CERS3: variants seen among roughly 807,000 people sequenced by gnomAD.
CERS3 encodes ceramide synthase 3.
Under a neutral mutation model 50.3 loss-of-function variants are expected in CERS3, and 33 were observed. The ratio of observed to expected loss-of-function variants is 0.66; its 90% CI spans 0.50 to 0.88. CERS3 has a LOEUF of 0.88. Ranked by LOEUF, CERS3 falls within the 40% of genes least tolerant of loss-of-function variation. The pLI, the probability that CERS3 is intolerant of heterozygous loss-of-function variation, is 0.00. For missense variants in CERS3, 470 were observed against 460.3 expected (o/e 1.02, Z -0.19); for synonymous variants, 176 against 155.2 (o/e 1.13, Z -0.99).
chr15:100,510,504 T>C (rs1255774258), intron 2 of CERS3, among the ~76,000 whole-genome samples: 1 of 152,198 alleles, frequency 6.6e-6, no homozygotes, highest in Admixed American at 6.5e-5. Flanking sequence ...TTAAGTGATA[T>C]CAGGATGCTC....
At chr15:100,436,424 AGAACACAT>A (rs1407525867) in intron 11 of CERS3, among the ~76,000 whole-genome samples, 4 of 152,220 alleles carry the variant, frequency 2.6e-5, no homozygotes, top group Non-Finnish European at 2.9e-5. Context: ...TTGAACAACG[AGAACACAT>A]GGACACAGGG....
chr15:100,454,100 A>G (rs2034271683), intron 11 of CERS3, among the ~76,000 whole-genome samples: 1 of 152,222 alleles, frequency 6.6e-6, no homozygotes, highest in Non-Finnish European at 1.5e-5. Context: ...CTACCAAGAT[A>G]GCAATGTTGG....
At chr15:100,486,972 C>T (rs1007979552) in intron 4 of CERS3, among the ~76,000 whole-genome samples, 1 of 151,994 alleles carries the variant, frequency 6.6e-6, no homozygotes, top group Non-Finnish European at 1.5e-5. Flanking sequence ...GTTTATGAGT[C>T]GAAGCTTTTT....
chr15:100,439,046 T>G (rs1339670313), intron 11 of CERS3, among the ~76,000 whole-genome samples: 1 of 152,234 alleles, frequency 6.6e-6, no homozygotes, highest in Admixed American at 6.5e-5. Flanking sequence ...GGCTAGTAGC[T>G]CATCACAAAA....
Position 100,490,863 on chromosome 15 carries a change from G to A in CERS3, c.242C>T (p.Thr81Ile). 6.2e-7 allele frequency: 1 copy of A among 1,612,470 alleles called. No individual in the cohort carries two copies. Among genetic ancestry groups the A allele is most frequent in the South Asian group, 1.1e-5 (1 of 90,934 alleles). Residue 81 changes from threonine (T) to isoleucine (I), a missense_variant, in exon 4 of 12, where the codon ACT (threonine) becomes ATT (isoleucine). Transcript: ENST00000679737. ...KETVRKVTPN[T>I]VLENFFKHST... ...ATGTTTGAAAAAATTCTCTAAGACA[G>A]TATTTGGTGTAACCTTTCGAACTGT...
intron 2 of CERS3, among the ~76,000 whole-genome samples, chr15:100,510,026 C>CAAAA (rs10693093): frequency 4.1e-5 from 6 of 144,972 alleles, no homozygotes; most frequent in Non-Finnish European, 4.5e-5. Context: ...CAAACCCAGC[C>CAAAA]AAAAAAAAAA....
At position 100,445,024 on chromosome 15, in the gene CERS3, T is replaced by C. The variant is rs982188246; in HGVS notation, c.999+10869A>G. On this transcript the variant is annotated intron_variant, in intron 11 of 11. Transcript: ENST00000679737. ...CAGGAAAGGTAGAACGGACTAATGG[T>C]CTTTTAAAAACATACCTCACCAAGC... Among the ~76,000 whole-genome samples, 20 of 152,078 alleles carry C rather than the reference T, an allele frequency of 1.3e-4. 1 individual carries two copies. Among genetic ancestry groups the C allele is most frequent in the Admixed American group, 6.6e-4 (10 of 15,248 alleles).
chr15:100,543,290 A>C (rs1400923410), intron 1 of CERS3, among the ~76,000 whole-genome samples: 1 of 152,198 alleles, frequency 6.6e-6, no homozygotes, highest in East Asian at 1.9e-4. Flanking sequence ...TGGTTAATGC[A>C]TGACGATGCA....
At chr15:100,488,780 CTGTT>C (rs1471886295) in intron 4 of CERS3, among the ~76,000 whole-genome samples, 1 of 97,336 alleles carries the variant, frequency 1.0e-5, no homozygotes, top group Non-Finnish European at 2.0e-5. Flanking sequence ...TGATATATAA[CTGTT>C]TTTTTTTTTT....
At chr15:100,540,417 G>T (rs541462286) in intron 1 of CERS3, among the ~76,000 whole-genome samples, 1 of 152,098 alleles carries the variant, frequency 6.6e-6, no homozygotes, top group African/African-American at 2.4e-5. Flanking sequence ...GGTGACAGGC[G>T]CCCGTAATCC....
intron 5 of CERS3, among the ~76,000 whole-genome samples, chr15:100,483,945 T>C (rs986655299): frequency 6.6e-6 from 1 of 151,260 alleles, no homozygotes; most frequent in Non-Finnish European, 1.5e-5. Flanking sequence ...CACGCCCAGC[T>C]AATTTTTTGT....
intron 9 of CERS3, among the ~76,000 whole-genome samples, chr15:100,471,792 C>G (rs2034977196): frequency 6.6e-6 from 1 of 152,148 alleles, no homozygotes; most frequent in Non-Finnish European, 1.5e-5. Context: ...AAACAAAATT[C>G]TGTACGCAGA....
intron 11 of CERS3, among the ~76,000 whole-genome samples, chr15:100,435,146 G>A (rs533403084): frequency 6.6e-6 from 1 of 152,192 alleles, no homozygotes; most frequent in South Asian, 2.1e-4. Context: ...CTTCCTGCTG[G>A]CCAAACGACT....
At chr15:100,441,864 C>T (rs1229206247) in intron 11 of CERS3, among the ~76,000 whole-genome samples, 1 of 151,832 alleles carries the variant, frequency 6.6e-6, no homozygotes, top group Non-Finnish European at 1.5e-5. Context: ...TCCCGCCTGT[C>T]CCCTCAGTCC....
chr15:100,487,402 A>C (rs1296354701), intron 4 of CERS3, among the ~76,000 whole-genome samples: 1 of 152,254 alleles, frequency 6.6e-6, no homozygotes, highest in East Asian at 1.9e-4. Context: ...CTATGAGATA[A>C]GCAATATAAT....
At position 100,473,061 on chromosome 15, in the gene CERS3, T is replaced by A; in HGVS notation, c.610-9A>T. ...ATATGAGCTAGAAAATCCTGTAAGA[T>A]GAGGGAAAATGGAAGCCATTAAGGA... On this transcript the variant is annotated splice_polypyrimidine_tract_variant and intron_variant, in intron 8 of 11. Coordinates refer to ENST00000679737, the MANE Select transcript of CERS3 (RefSeq NM_001378789.1). 1.2e-6 allele frequency: 2 copies of A among 1,609,588 alleles called. No individual in the cohort carries two copies. The highest frequency in any genetic ancestry group is 1.7e-6 in the Non-Finnish European group (2 of 1,178,494).
intron 10 of CERS3, 91 bp from the exon 11 acceptor site, chr15:100,456,137 T>C: frequency 1.1e-6 from 1 of 896,456 alleles, no homozygotes; most frequent in South Asian, 3.2e-5. Context: ...TCCTAAGCCA[T>C]ACATGTATTT....
intron 2 of CERS3, among the ~76,000 whole-genome samples, chr15:100,511,448 G>A (rs2036336179): frequency 6.6e-6 from 1 of 152,136 alleles, no homozygotes; most frequent in South Asian, 2.1e-4. Context: ...TAAGTCCATT[G>A]GGAGCCTGGG....
At chr15:100,415,931 C>T (rs2031866532) in intron 11 of CERS3, among the ~76,000 whole-genome samples, 1 of 145,064 alleles carries the variant, frequency 6.9e-6, no homozygotes, top group Non-Finnish European at 1.5e-5. Flanking sequence ...ACATGTTCTG[C>T]ATCTGTATCC....
Sources: gnomAD v4.1 joint callset for allele counts (sites outside exome capture counted in the v4.1 genomes callset) on GRCh38, gnomAD v4.1.1 for gene constraint, MANE v1.5 for transcripts, NCBI Gene and HGNC (gene_info 2026-07-23, HGNC 2026-07-21) for gene names.